Variants in GNA14 observed in about 807,000 individuals in gnomAD.
GNA14 encodes G protein subunit alpha 14, also known as guanine nucleotide-binding protein subunit alpha-14.
In GNA14, 50 loss-of-function variants were observed where a neutral mutation model predicts 42.0. The observed-to-expected ratio is 1.19, with a 90% CI of 0.95 to 1.51. GNA14 has a LOEUF of 1.51. Ranked by LOEUF, GNA14 falls within the 40% of genes most tolerant of loss-of-function variation. The probability of loss-of-function intolerance (pLI) is 0.00; values close to 1 mark genes in which losing one functional copy is unlikely to be tolerated. For synonymous variants in GNA14, 173 were observed against 163.1 expected (o/e 1.06, Z -0.46); for missense variants, 473 against 446.2 (o/e 1.06, Z -0.54).
chr9:77,625,531 G>A (rs1336719407), intron 1 of GNA14, among the ~76,000 whole-genome samples: 1 of 152,180 alleles, frequency 6.6e-6, no homozygotes, highest in African/African-American at 2.4e-5. Flanking sequence ...ACTAACAGCT[G>A]ATCTTTCAGC....
chr9:77,517,357 A>G (rs761932261), intron 2 of GNA14: 1 of 152,092 alleles, frequency 6.6e-6, no homozygotes, highest in Non-Finnish European at 1.5e-5. Context: ...TGTTTCAAAA[A>G]TAGGGAGCGA....
chr9:77,587,089 A>C (rs1823317324), intron 1 of GNA14, among the ~76,000 whole-genome samples: 1 of 148,102 alleles, frequency 6.8e-6, no homozygotes, highest in African/African-American at 2.5e-5. Flanking sequence ...ATTTCTTTCT[A>C]GCTCCTGTTA....
chr9:77,463,263 A>G (rs982546553), intron 2 of GNA14, among the ~76,000 whole-genome samples: 10 of 152,178 alleles, frequency 6.6e-5, no homozygotes, highest in Non-Finnish European at 1.2e-4. Context: ...CGCCATCACA[A>G]TCAGATGCGG....
rs145527910 is a variant in GNA14, at chr9:77,468,088, G to A, written c.310-33566C>T. 6.3e-3 allele frequency among the ~76,000 whole-genome samples: 963 copies of A among 152,254 alleles called. 8 individuals are homozygous for A. Among genetic ancestry groups the A allele is most frequent in the African/African-American group, 0.021 (856 of 41,516 alleles). ...CTGGCAGCGTGCCCCTCTCAGAGGG[G>A]TCCTAGACTAGGAGCTGGGGAGTGG... On this transcript the variant is annotated intron_variant, in intron 2 of 6. Coordinates refer to ENST00000341700, the MANE Select transcript of GNA14 (RefSeq NM_004297.4).
chr9:77,464,027 G>T (rs1004877137), intron 2 of GNA14, among the ~76,000 whole-genome samples: 5 of 152,106 alleles, frequency 3.3e-5, no homozygotes, highest in Admixed American at 6.5e-5. Context: ...TTGAGACAGG[G>T]TCTCGCTTTG....
At chr9:77,492,366 G>T (rs905977063) in intron 2 of GNA14, among the ~76,000 whole-genome samples, 1 of 151,336 alleles carries the variant, frequency 6.6e-6, no homozygotes, top group Admixed American at 6.6e-5. Flanking sequence ...ATACAGGTCA[G>T]CATAATGAAA....
intron 2 of GNA14, among the ~76,000 whole-genome samples, chr9:77,490,124 T>C (rs1480039761): frequency 3.3e-5 from 5 of 152,124 alleles, no homozygotes; most frequent in African/African-American, 1.2e-4. Flanking sequence ...AGGGTGCTGA[T>C]TGGTGTATTT....
rs188909770 is a variant in GNA14, at chr9:77,535,870, T to C, written c.125-6617A>G. Among the ~76,000 whole-genome samples, 902 of 136,960 alleles carry C rather than the reference T, an allele frequency of 6.6e-3. 3 individuals carry two copies. The highest frequency in any genetic ancestry group is 0.011 in the Middle Eastern group (3 of 284). The allele number at this position is 136,960 out of a possible 152,430, so 89.9% of individuals were successfully genotyped here. On this transcript the variant is annotated intron_variant, in intron 1 of 6. Coordinates refer to ENST00000341700, the MANE Select transcript of GNA14 (RefSeq NM_004297.4). ...GGACTGGAATGCTCAAGCTATTGCATTACATTCAGTTTAGTTGTTTTGTTT... is the reference window on the plus strand; with the variant it reads ...GGACTGGAATGCTCAAGCTATTGCACTACATTCAGTTTAGTTGTTTTGTTT...
intron 1 of GNA14, among the ~76,000 whole-genome samples, chr9:77,593,799 A>G (rs7024098): frequency 0.073 from 11,120 of 152,270 alleles, 1,412 homozygotes; most frequent in African/African-American, 0.25. Context: ...CTGTCCAAGG[A>G]CACATTGGCA....
chr9:77,445,324 A>G (rs2131699618), intron 2 of GNA14, among the ~76,000 whole-genome samples: 3 of 152,240 alleles, frequency 2.0e-5, no homozygotes, highest in Non-Finnish European at 4.4e-5. Flanking sequence ...AACACAGTCA[A>G]GTGAAATTTT....
At chr9:77,597,052 A>T (rs1823477635) in intron 1 of GNA14, among the ~76,000 whole-genome samples, 1 of 152,222 alleles carries the variant, frequency 6.6e-6, no homozygotes, top group African/African-American at 2.4e-5. Flanking sequence ...TGTCATGGGT[A>T]CACATCCTCA....
In GNA14 at chr9:77,643,512, T is replaced by C. The variant is rs557568502; in HGVS notation, c.124+4158A>G. On this transcript the variant is annotated intron_variant, in intron 1 of 6. Transcript: ENST00000341700. ...CCTCAGCCTCCCAAAGTGCTGCGAT[T>C]ACATGGGTGAGCCACCGCACCCAAT... Among the ~76,000 whole-genome samples the C allele has an allele frequency of 1.3e-3, 197 of 152,324 alleles. 1 individual carries two copies. Among genetic ancestry groups the C allele is most frequent in the African/African-American group, 4.2e-3 (175 of 41,572 alleles).
chr9:77,643,882 A>G (rs1824309090), intron 1 of GNA14, among the ~76,000 whole-genome samples: 1 of 152,170 alleles, frequency 6.6e-6, no homozygotes, highest in African/African-American at 2.4e-5. Flanking sequence ...CAGAGTGATG[A>G]TAGCTGATAC....
At chr9:77,618,581 A>AATATATATATATACATATATAT (rs1823859209) in intron 1 of GNA14, among the ~76,000 whole-genome samples, 1 of 42,612 alleles carries the variant, frequency 2.3e-5, no homozygotes, top group African/African-American at 9.5e-5. Context: ...ATTACATTTG[A>AATATATATATATACATATATAT]ATATATATAT....
intron 1 of GNA14, among the ~76,000 whole-genome samples, chr9:77,592,551 C>G (rs1025132184): frequency 1.3e-5 from 2 of 152,150 alleles, no homozygotes; most frequent in Non-Finnish European, 2.9e-5. Flanking sequence ...TTGGGGGAGA[C>G]AAGCTTTCTC....
At chr9:77,574,998 G>T (rs144479653) in intron 1 of GNA14, among the ~76,000 whole-genome samples, 1 of 152,270 alleles carries the variant, frequency 6.6e-6, no homozygotes, top group Admixed American at 6.5e-5. Context: ...CCCTGTAGGG[G>T]GGAAGTAAAT....
At chr9:77,639,017 CCTTTT>C (rs1477359499) in intron 1 of GNA14, among the ~76,000 whole-genome samples, 4 of 152,186 alleles carry the variant, frequency 2.6e-5, no homozygotes, top group African/African-American at 4.8e-5. Context: ...ACATCTGCCT[CCTTTT>C]CTTTTCATGA....
chr9:77,434,014 A>C (rs1318056177), intron 3 of GNA14, among the ~76,000 whole-genome samples: 1 of 152,248 alleles, frequency 6.6e-6, no homozygotes, highest in Non-Finnish European at 1.5e-5. Flanking sequence ...AGAAGCCAAA[A>C]GCAAGGGTAT....
At chr9:77,622,408 G>A (rs1823941458) in intron 1 of GNA14, among the ~76,000 whole-genome samples, 2 of 152,114 alleles carry the variant, frequency 1.3e-5, no homozygotes, top group African/African-American at 4.8e-5. Flanking sequence ...GTTAGACAAT[G>A]AAGAAACCAG....
Sources: gnomAD v4.1 joint callset for allele counts (sites outside exome capture counted in the v4.1 genomes callset) on GRCh38, gnomAD v4.1.1 for gene constraint, MANE v1.5 for transcripts, NCBI Gene and HGNC (gene_info 2026-07-23, HGNC 2026-07-21) for gene names.